The following GADL1 variants were observed in gnomAD, a reference collection of about 807,000 sequenced individuals.
The protein encoded by GADL1 is GAD like acidic amino acid decarboxylase 1.
In GADL1, 71 loss-of-function variants were observed where a neutral mutation model predicts 69.5. That is an observed-to-expected ratio of 1.02 (90% CI 0.84 to 1.25). GADL1 has a LOEUF of 1.25. Ranked by LOEUF, GADL1 falls within the 50% of genes most tolerant of loss-of-function variation. The pLI, the probability that GADL1 is intolerant of heterozygous loss-of-function variation, is 0.00. For missense variants in GADL1, 737 were observed against 631.8 expected (o/e 1.17, Z -1.79); for synonymous variants, 254 against 214.4 (o/e 1.18, Z -1.62).
At chr3:30,863,053 ACTCTCTCT>A (rs60151925) in intron 1 of GADL1, among the ~76,000 whole-genome samples, 2 of 149,180 alleles carry the variant, frequency 1.3e-5, no homozygotes, top group Non-Finnish European at 3.0e-5. Context: ...ACACACACAC[ACTCTCTCT>A]CACACTCACA....
At chr3:30,783,034 G>GGAAT (rs902047779) in intron 13 of GADL1, among the ~76,000 whole-genome samples, 4 of 152,300 alleles carry the variant, frequency 2.6e-5, no homozygotes, top group Middle Eastern at 3.4e-3. Flanking sequence ...ATCTGGAAGA[G>GGAAT]GAATGAACTA....
At chr3:30,775,951 G>A (rs1696526536) in intron 14 of GADL1, among the ~76,000 whole-genome samples, 1 of 152,174 alleles carries the variant, frequency 6.6e-6, no homozygotes, top group Non-Finnish European at 1.5e-5. Flanking sequence ...TAAGCATGAT[G>A]GTGGGTGCCT....
Position 30,827,839 on chromosome 3 carries a change from C to G in GADL1, c.1050+6014G>C, listed in dbSNP as rs553950182. Among the ~76,000 whole-genome samples, 3 of 151,968 alleles carry G rather than the reference C, an allele frequency of 2.0e-5. No individual in the cohort carries two copies. The East Asian group carries it at 5.8e-4, about 30-fold the overall frequency. Reference sequence around the variant, plus strand: ...TTTCTGAGCTCAAGCAAGAACAGCCCAGACACAGAGAATGATTTTGGCAGC... The same window carrying G: ...TTTCTGAGCTCAAGCAAGAACAGCCGAGACACAGAGAATGATTTTGGCAGC... On this transcript the variant is annotated intron_variant, in intron 11 of 14. Coordinates refer to ENST00000282538, the MANE Select transcript of GADL1 (RefSeq NM_207359.3).
intron 13 of GADL1, among the ~76,000 whole-genome samples, chr3:30,781,147 ACT>A (rs1257579602): frequency 2.0e-5 from 3 of 152,088 alleles, no homozygotes; most frequent in African/African-American, 7.2e-5. Flanking sequence ...GGGTACAAAA[ACT>A]CTGGAGCAGC....
At chr3:30,801,382 C>A (rs1245820289) in intron 11 of GADL1, among the ~76,000 whole-genome samples, 2 of 151,994 alleles carry the variant, frequency 1.3e-5, no homozygotes, top group Non-Finnish European at 2.9e-5. Flanking sequence ...CAAGGTGGCC[C>A]AGTTTTTCAG....
At chr3:30,821,957 A>C (rs1237219477) in intron 11 of GADL1, among the ~76,000 whole-genome samples, 2 of 152,024 alleles carry the variant, frequency 1.3e-5, no homozygotes, top group Non-Finnish European at 2.9e-5. Context: ...TTATACACTA[A>C]TGCTATGTTT....
At chr3:30,753,564 C>T (rs1185525924) in intron 14 of GADL1, among the ~76,000 whole-genome samples, 1 of 152,018 alleles carries the variant, frequency 6.6e-6, no homozygotes, top group Non-Finnish European at 1.5e-5. Context: ...TGTCATTGAG[C>T]TCTTTCAAAC....
intron 14 of GADL1, among the ~76,000 whole-genome samples, chr3:30,775,146 T>C (rs150361774): frequency 2.6e-4 from 40 of 152,292 alleles, no homozygotes; most frequent in Non-Finnish European, 5.3e-4. Context: ...TCTCAAATAG[T>C]CTCACGTACG....
intron 14 of GADL1, among the ~76,000 whole-genome samples, chr3:30,736,497 T>C (rs1295077854): frequency 6.6e-6 from 1 of 152,220 alleles, no homozygotes; most frequent in East Asian, 1.9e-4. Context: ...TTTCTTAAAA[T>C]AAATTTGTAT....
At chr3:30,765,342 T>A (rs1014053359) in intron 14 of GADL1, among the ~76,000 whole-genome samples, 10 of 152,182 alleles carry the variant, frequency 6.6e-5, no homozygotes, top group Non-Finnish European at 2.9e-5. Context: ...AGTAGTCATA[T>A]TCTGTAAAAC....
At chr3:30,811,149 A>G (rs1219810591) in intron 11 of GADL1, among the ~76,000 whole-genome samples, 1 of 152,220 alleles carries the variant, frequency 6.6e-6, no homozygotes, top group Admixed American at 6.5e-5. Flanking sequence ...ATACTTTAGT[A>G]CAAGATCTGA....
chr3:30,801,417 A>C (rs1437280772), intron 11 of GADL1, among the ~76,000 whole-genome samples: 1 of 152,158 alleles, frequency 6.6e-6, no homozygotes, highest in Non-Finnish European at 1.5e-5. Flanking sequence ...TCTATAACTC[A>C]AAGTGCTCTC....
intron 14 of GADL1, among the ~76,000 whole-genome samples, chr3:30,773,430 TATA>T (rs1696463992): frequency 1.3e-5 from 2 of 152,072 alleles, no homozygotes; most frequent in Non-Finnish European, 2.9e-5. Context: ...AAACATACAT[TATA>T]GAAAATTTTC....
chr3:30,819,269 G>T (rs1575219898), intron 11 of GADL1, among the ~76,000 whole-genome samples: 4 of 152,054 alleles, frequency 2.6e-5, no homozygotes, highest in Admixed American at 2.6e-4. Flanking sequence ...TCTGAGGCCT[G>T]TTTATCTACT....
chr3:30,865,038 C>A (rs1698377314), intron 1 of GADL1, among the ~76,000 whole-genome samples: 1 of 151,956 alleles, frequency 6.6e-6, no homozygotes, highest in Non-Finnish European at 1.5e-5. Flanking sequence ...TTCTAATAAC[C>A]TCAAAGGCCC....
intron 12 of GADL1, among the ~76,000 whole-genome samples, chr3:30,789,480 A>T (rs1696868743): frequency 6.6e-6 from 1 of 152,160 alleles, no homozygotes; most frequent in African/African-American, 2.4e-5. Flanking sequence ...ATGAGCATTG[A>T]CTTCAACCTA....
chr3:30,844,178 TTC>T lies in GADL1; in HGVS notation c.786+30_786+31del, dbSNP rs543156789. The T allele has an allele frequency of 1.0e-4, 162 of 1,581,880 alleles. No homozygotes were observed. The African/African-American group carries it at 2.0e-3, about 20-fold the overall frequency. On this transcript the variant is annotated intron_variant, in intron 8 of 14. Coordinates refer to ENST00000282538, the MANE Select transcript of GADL1 (RefSeq NM_207359.3). ...GCGGGCGTGCGCGCACACACACACGTTCTCTCTCCCTCTCGCTTTCTCCCCTC... is the reference window on the plus strand; with the variant it reads ...GCGGGCGTGCGCGCACACACACACGTTCTCTCCCTCTCGCTTTCTCCCCTC...
At chr3:30,759,773 C>T (rs1457684974) in intron 14 of GADL1, among the ~76,000 whole-genome samples, 1 of 152,168 alleles carries the variant, frequency 6.6e-6, no homozygotes, top group African/African-American at 2.4e-5. Flanking sequence ...GTGCATATGG[C>T]TGGATTTGGC....
At chr3:30,831,780 A>AGG (rs1349085810) in intron 11 of GADL1, among the ~76,000 whole-genome samples, 2 of 151,936 alleles carry the variant, frequency 1.3e-5, no homozygotes, top group Non-Finnish European at 2.9e-5. Context: ...TAGAAACTGC[A>AGG]GGGGAGGCTA....
Sources: gnomAD v4.1 joint callset for allele counts (sites outside exome capture counted in the v4.1 genomes callset) on GRCh38, gnomAD v4.1.1 for gene constraint, MANE v1.5 for transcripts, NCBI Gene and HGNC (gene_info 2026-07-23, HGNC 2026-07-21) for gene names.